LRIF1: variants seen among roughly 807,000 people sequenced by gnomAD.
The protein encoded by LRIF1 is ligand dependent nuclear receptor interacting factor 1, also known as ligand-dependent nuclear receptor-interacting factor 1.
Under a neutral mutation model 52.7 loss-of-function variants are expected in LRIF1, and 32 were observed. The ratio of observed to expected loss-of-function variants is 0.61; its 90% CI spans 0.46 to 0.82. The LOEUF (loss-of-function observed/expected upper bound fraction) is 0.82, where lower values mean the gene tolerates loss of function less well. Ranked by LOEUF, LRIF1 falls within the 40% of genes least tolerant of loss-of-function variation. The pLI, the probability that LRIF1 is intolerant of heterozygous loss-of-function variation, is 0.00. For missense variants in LRIF1, 887 were observed against 892.0 expected (o/e 0.99, Z 0.07); for synonymous variants, 323 against 317.4 (o/e 1.02, Z -0.19).
chr1:110,914,702 G>A, the LRIF1 span, among the ~76,000 whole-genome samples: 6 of 152,094 alleles, frequency 3.9e-5, no homozygotes, highest in East Asian at 7.7e-4. Flanking sequence ...GCAGTGAGTC[G>A]AGATCACACC....
At chr1:110,884,202 CAT>C in the LRIF1 span, among the ~76,000 whole-genome samples, 1 of 152,052 alleles carries the variant, frequency 6.6e-6, no homozygotes, top group South Asian at 2.1e-4. Context: ...ACATTTTCAA[CAT>C]GTTTTTAAAG....
the LRIF1 span, among the ~76,000 whole-genome samples, chr1:110,902,503 A>T: frequency 1.4e-5 from 2 of 143,130 alleles, no homozygotes; most frequent in African/African-American, 5.3e-5. Context: ...ACTAAAAAAA[A>T]AAAAAAAAAA....
chr1:110,957,965 T>C lies in LRIF1; in HGVS notation c.69-5150A>G, dbSNP rs927572767. ...CTACATGAGATCCTCATCAGATGTGTCTAGCACTCATCATTCTCATCCCTA... is the reference window on the plus strand; with the variant it reads ...CTACATGAGATCCTCATCAGATGTGCCTAGCACTCATCATTCTCATCCCTA... On this transcript the variant is annotated intron_variant, in intron 1 of 3. Coordinates refer to ENST00000369763, the MANE Select transcript of LRIF1 (RefSeq NM_018372.4). 6.6e-5 allele frequency among the ~76,000 whole-genome samples: 10 copies of C among 152,344 alleles called. No individual in the cohort carries two copies. In the South Asian group the frequency reaches 1.2e-3, roughly 19 times the overall value.
At chr1:110,892,434 G>T in the LRIF1 span, 2 of 1,613,736 alleles carry the variant, frequency 1.2e-6, no homozygotes, top group Admixed American at 1.7e-5. Context: ...CCTCCCTCAC[G>T]CTGGGCAATG....
chr1:110,942,788 C>T (rs964624879), downstream of LRIF1, among the ~76,000 whole-genome samples: 1 of 151,968 alleles, frequency 6.6e-6, no homozygotes, highest in Non-Finnish European at 1.5e-5. Flanking sequence ...GGGTAATAAC[C>T]AGAAGCTGAT....
Position 110,948,357 on chromosome 1 carries a change from T to G in LRIF1, c.1912A>C (p.Met638Leu). 1 of 1,613,642 alleles carries G rather than the reference T, an allele frequency of 6.2e-7. No individual in the cohort carries two copies. Among genetic ancestry groups the G allele is most frequent in the Non-Finnish European group, 8.5e-7 (1 of 1,179,786 alleles). The change falls in exon 4 of 4, where the codon ATG (methionine) becomes CTG (leucine). Residue 638 changes from methionine to leucine, a missense_variant. Coordinates refer to ENST00000369763, the MANE Select transcript of LRIF1 (RefSeq NM_018372.4). ...GTTTTTCTCTTCTTTATGTGATCCA[T>G]CTTCTTATTAGTTTTTGCTTTTCTT... ...KKRKAKTNKK[M>L]DHIKKRKTEN...
the LRIF1 span, among the ~76,000 whole-genome samples, chr1:110,920,060 G>A: frequency 6.6e-6 from 1 of 152,142 alleles, no homozygotes; most frequent in Non-Finnish European, 1.5e-5. Context: ...ATGCTTGGAG[G>A]ATGTGAAACA....
chr1:110,892,615 C>T, the LRIF1 span: 5 of 1,102,658 alleles, frequency 4.5e-6, no homozygotes, highest in South Asian at 7.2e-5. Context: ...TGGTAGATCA[C>T]TTATAGGCAC....
intron 3 of LRIF1, 62 bp from the exon 4 acceptor site, chr1:110,948,461 C>G: frequency 1.3e-6 from 2 of 1,506,018 alleles, no homozygotes; most frequent in Non-Finnish European, 1.8e-6. Flanking sequence ...GCACCGGGTA[C>G]TACCAAACTT....
chr1:110,952,314 A>T lies in LRIF1; in HGVS notation c.570T>A (p.His190Gln). Residue 190 changes from histidine (H) to glutamine (Q), a missense_variant, in exon 2 of 4, where the codon CAT (histidine) becomes CAA (glutamine). His to Gln is a conservative substitution (Grantham distance 24, BLOSUM62 0). Coordinates refer to ENST00000369763, the MANE Select transcript of LRIF1 (RefSeq NM_018372.4). ...PSGHHLQIPA[H>Q]AEVKSVPASS... ...ACGCTGGTACAGATTTCACTTCAGC[A>T]TGGGCTGGAATCTGTAAATGATGCC... 6.2e-7 allele frequency: 1 copy of T among 1,614,134 alleles called. No homozygotes were observed. Among genetic ancestry groups the T allele is most frequent in the Non-Finnish European group, 8.5e-7 (1 of 1,179,976 alleles).
the LRIF1 span, among the ~76,000 whole-genome samples, chr1:110,917,624 TA>T: frequency 2.1e-5 from 3 of 141,324 alleles, no homozygotes; most frequent in Non-Finnish European, 4.5e-5. Context: ...TTAAGGAGCT[TA>T]TTTTTTTTGT....
At chr1:110,935,606 G>A in the LRIF1 span, among the ~76,000 whole-genome samples, 4 of 152,192 alleles carry the variant, frequency 2.6e-5, no homozygotes, top group African/African-American at 9.7e-5. Flanking sequence ...TCAGGCGGAA[G>A]AAAGAATTAG....
At chr1:110,926,682 A>G in the LRIF1 span, among the ~76,000 whole-genome samples, 3 of 152,114 alleles carry the variant, frequency 2.0e-5, no homozygotes, top group African/African-American at 4.8e-5. Flanking sequence ...TCAACATTGT[A>G]TATGTATCAA....
downstream of LRIF1, chr1:110,944,136 G>A (rs1230856416): frequency 6.6e-6 from 1 of 152,212 alleles, no homozygotes. Context: ...CCAATTCAGG[G>A]CTGATGATAG....
chr1:110,951,584 G>A lies in LRIF1; in HGVS notation c.1300C>T (p.Leu434Phe), dbSNP rs1658478633. Reference sequence around the variant, plus strand: ...GCCCTTAGATTGGCCATGGAAGCAAGCTGGGTATTGGAAAGTGATTTTGTC... The same window carrying A: ...GCCCTTAGATTGGCCATGGAAGCAAACTGGGTATTGGAAAGTGATTTTGTC... ...METKSLSNTQ[L>F]ASMANLRAEK... Residue 434 changes from leucine (L) to phenylalanine (F), a missense_variant, in exon 2 of 4, where the codon CTT becomes TTT. By Grantham distance (22) the Leu-to-Phe change is conservative. Transcript: ENST00000369763. 6.2e-7 allele frequency: 1 copy of A among 1,614,100 alleles called. No individual in the cohort carries two copies. The highest frequency in any genetic ancestry group is 1.3e-5 in the African/African-American group (1 of 75,052).
At chr1:110,955,341 C>T (rs1450760413) in intron 1 of LRIF1, among the ~76,000 whole-genome samples, 2 of 152,202 alleles carry the variant, frequency 1.3e-5, no homozygotes, top group Non-Finnish European at 2.9e-5. Context: ...TCCAAGCAAA[C>T]ATCATCTCTG....
chr1:110,883,494 A>C, the LRIF1 span, among the ~76,000 whole-genome samples: 2 of 152,064 alleles, frequency 1.3e-5, no homozygotes, highest in South Asian at 2.1e-4. Context: ...TCTGAGGAAC[A>C]TTGGCCCGTG....
the LRIF1 span, among the ~76,000 whole-genome samples, chr1:110,877,883 T>G: frequency 6.6e-6 from 1 of 152,296 alleles, no homozygotes. Flanking sequence ...ATAACTTTGA[T>G]TGCACCTCAG....
chr1:110,896,489 C>T, the LRIF1 span, among the ~76,000 whole-genome samples: 1 of 152,144 alleles, frequency 6.6e-6, no homozygotes, highest in Non-Finnish European at 1.5e-5. Flanking sequence ...AATGGTATAA[C>T]AGATTAGAAA....
Sources: allele counts gnomAD v4.1 joint callset (sites outside exome capture counted in the v4.1 genomes callset), GRCh38; gene constraint gnomAD v4.1.1; transcripts MANE v1.5; gene names NCBI Gene and HGNC (gene_info 2026-07-23, HGNC 2026-07-21).